Variants in LAMA2 observed in about 807,000 individuals in gnomAD.
LAMA2 encodes laminin subunit alpha-2.
Under a neutral mutation model 364.8 loss-of-function variants are expected in LAMA2, and 269 were observed. The observed-to-expected ratio is 0.74, with a 90% confidence interval of 0.67 to 0.82. LAMA2 has a LOEUF of 0.82. LAMA2 is among the 40% of genes least tolerant of loss of function. The pLI, the probability that LAMA2 is intolerant of heterozygous loss-of-function variation, is 0.00. For missense variants in LAMA2, 3,807 were observed against 3,873.2 expected, an observed-to-expected ratio of 0.98 and a Z score of 0.45; for synonymous variants, 1,379 against 1,370.6, an observed-to-expected ratio of 1.01 and a Z score of -0.14.
intron 5 of LAMA2, among the ~76,000 whole-genome samples, chr6:129,145,662 T>C (rs941276721): frequency 2.0e-5 from 3 of 151,984 alleles, no homozygotes; most frequent in African/African-American, 4.8e-5. Context: ...CTATTATTTA[T>C]AACTTTATCG....
intron 1 of LAMA2, among the ~76,000 whole-genome samples, chr6:128,979,357 A>C (rs1782727770): frequency 6.6e-6 from 1 of 152,300 alleles, no homozygotes; most frequent in African/African-American, 2.4e-5. Flanking sequence ...AGCAATGCCT[A>C]GTCAGCAAGC....
At chr6:129,492,545 GA>G in intron 58 of LAMA2, 62 bp downstream of exon 58, 1 of 1,444,716 alleles carries the variant, frequency 6.9e-7, no homozygotes, top group Non-Finnish European at 9.7e-7. Flanking sequence ...AGTCATTTCA[GA>G]AGGAAGATTA....
chr6:129,336,470 T>C (rs1467458858), intron 29 of LAMA2, among the ~76,000 whole-genome samples: 1 of 152,242 alleles, frequency 6.6e-6, no homozygotes, highest in African/African-American at 2.4e-5. Flanking sequence ...TGCTATTATG[T>C]GTCCAAAACT....
intron 1 of LAMA2, among the ~76,000 whole-genome samples, chr6:128,913,946 C>T (rs1263721097): frequency 6.6e-6 from 1 of 152,080 alleles, no homozygotes; most frequent in Admixed American, 6.6e-5. Context: ...CTATCCTCTT[C>T]TGCTGTGGGT....
intron 1 of LAMA2, chr6:128,905,571 C>G (rs1231618275): frequency 1.3e-5 from 2 of 151,720 alleles, no homozygotes; most frequent in East Asian, 3.9e-4. Flanking sequence ...TTAAAAACAG[C>G]ATTTTAAAGG....
intron 1 of LAMA2, among the ~76,000 whole-genome samples, chr6:128,894,511 T>A (rs1776647248): frequency 6.6e-6 from 1 of 152,216 alleles, no homozygotes; most frequent in African/African-American, 2.4e-5. Context: ...AAATGAGTCT[T>A]AAAAACCATA....
chr6:129,098,359 G>T lies in LAMA2; in HGVS notation c.583G>T (p.Asp195Tyr). 1.9e-6 allele frequency: 3 copies of T among 1,614,034 alleles called. No individual in the cohort carries two copies. Among genetic ancestry groups the T allele is most frequent in the Non-Finnish European group, 1.7e-6 (2 of 1,179,972 alleles). The change falls in exon 4 of 65, where the codon GAT becomes TAT. Residue 195 changes from aspartate to tyrosine, a missense_variant. By Grantham distance (160) the Asp-to-Tyr change is radical. Coordinates refer to ENST00000421865, the MANE Select transcript of LAMA2 (RefSeq NM_000426.4). ...TGGGCCACCGTCATATGCCAAAGAT[G>T]ATGAGGTCATCTGCACTTCATTTTA... ...RTGPPSYAKD[D>Y]EVICTSFYSK...
chr6:129,281,269 T>C (rs910284082), intron 18 of LAMA2, among the ~76,000 whole-genome samples: 2 of 152,090 alleles, frequency 1.3e-5, no homozygotes, highest in Non-Finnish European at 2.9e-5. Context: ...CTTACTATAA[T>C]AGGAGAACAT....
intron 1 of LAMA2, among the ~76,000 whole-genome samples, chr6:128,944,128 A>C (rs1398637438): frequency 1.3e-5 from 2 of 152,238 alleles, no homozygotes. Flanking sequence ...GGAAAAAGCA[A>C]ATGGGACCTT....
chr6:129,090,751 T>C (rs1422113279), intron 3 of LAMA2, among the ~76,000 whole-genome samples: 1 of 152,196 alleles, frequency 6.6e-6, no homozygotes, highest in African/African-American at 2.4e-5. Context: ...AACCACTTTA[T>C]AGATTGTGCT....
chr6:129,352,221 C>T (rs755151577), intron 31 of LAMA2, among the ~76,000 whole-genome samples: 13 of 152,302 alleles, frequency 8.5e-5, no homozygotes, highest in Non-Finnish European at 1.9e-4. Flanking sequence ...CCTGGGCAAA[C>T]CAGAATGTAT....
At chr6:129,267,284 A>G in intron 16 of LAMA2, 65 bp downstream of exon 16, 2 of 1,053,346 alleles carry the variant, frequency 1.9e-6, no homozygotes, top group South Asian at 2.5e-5. Flanking sequence ...AGATGCTACA[A>G]TTCAGCTACT....
chr6:129,410,770 T>C (rs1333176407), intron 40 of LAMA2, among the ~76,000 whole-genome samples: 1 of 152,052 alleles, frequency 6.6e-6, no homozygotes, highest in Non-Finnish European at 1.5e-5. Flanking sequence ...GATTAGATGA[T>C]AGACAGAAAG....
intron 40 of LAMA2, among the ~76,000 whole-genome samples, chr6:129,412,508 T>G (rs1304233546): frequency 5.4e-5 from 8 of 148,550 alleles, no homozygotes; most frequent in Non-Finnish European, 1.2e-4. Context: ...GAGAAAAAAA[T>G]AAAGAAATGT....
At chr6:128,966,143 A>AT (rs953392850) in intron 1 of LAMA2, among the ~76,000 whole-genome samples, 3 of 151,632 alleles carry the variant, frequency 2.0e-5, no homozygotes, top group East Asian at 1.9e-4. Context: ...TCAAAACTAA[A>AT]TTTTTTTTTA....
intron 12 of LAMA2, among the ~76,000 whole-genome samples, chr6:129,195,702 C>T (rs1781796197): frequency 6.6e-6 from 1 of 152,136 alleles, no homozygotes; most frequent in Non-Finnish European, 1.5e-5. Context: ...ATTTCATTTT[C>T]AAAATGCTTG....
chr6:129,320,051 T>C (rs1476906955), intron 27 of LAMA2, among the ~76,000 whole-genome samples: 2 of 152,182 alleles, frequency 1.3e-5, no homozygotes, highest in East Asian at 3.9e-4. Flanking sequence ...GAGAATCACT[T>C]GAACCTGGTA....
chr6:129,127,751 C>T (rs1254674143), intron 4 of LAMA2, among the ~76,000 whole-genome samples: 1 of 152,106 alleles, frequency 6.6e-6, no homozygotes, highest in African/African-American at 2.4e-5. Context: ...TTTTAATTTG[C>T]ATTTCCCTAA....
At chr6:129,269,493 A>G (rs1030987889) in intron 16 of LAMA2, among the ~76,000 whole-genome samples, 12 of 151,982 alleles carry the variant, frequency 7.9e-5, no homozygotes, top group African/African-American at 2.7e-4. Context: ...TAAGAACTAC[A>G]TGTTATTTGT....
Sources: gnomAD v4.1 joint callset for allele counts (sites outside exome capture counted in the v4.1 genomes callset) on GRCh38, gnomAD v4.1.1 for gene constraint, MANE v1.5 for transcripts, NCBI Gene and HGNC (gene_info 2026-07-23, HGNC 2026-07-21) for gene names.